Variants in ZBTB7C observed in about 807,000 individuals in gnomAD.
ZBTB7C encodes the protein zinc finger and BTB domain containing 7C.
ZBTB7C carries 8 observed loss-of-function variants against 25.7 expected under a neutral mutation model. The observed-to-expected ratio is 0.31, with a 90% CI of 0.18 to 0.56. The LOEUF is 0.56. Among genes scored for constraint, ZBTB7C ranks in the 20% least tolerant of loss-of-function variants. The pLI is 0.91. For missense variants in ZBTB7C, 824 were observed against 855.2 expected (o/e 0.96, Z 0.46); for synonymous variants, 394 against 369.0 (o/e 1.07, Z -0.78).
intron 3 of ZBTB7C, among the ~76,000 whole-genome samples, chr18:48,058,495 C>G (rs1367371024): frequency 6.6e-6 from 1 of 152,230 alleles, no homozygotes; most frequent in Non-Finnish European, 1.5e-5. Context: ...GTGCGTGTTC[C>G]TTTGAGCTGC....
chr18:48,318,224 AC>A (rs2045998152), intron 2 of ZBTB7C, among the ~76,000 whole-genome samples: 1 of 151,096 alleles, frequency 6.6e-6, no homozygotes, highest in African/African-American at 2.4e-5. Context: ...CAAAAAAAAA[AC>A]CTAAAAAAAC....
At chr18:48,077,159 G>T (rs530631539) in intron 3 of ZBTB7C, among the ~76,000 whole-genome samples, 1 of 152,196 alleles carries the variant, frequency 6.6e-6, no homozygotes, top group Admixed American at 6.5e-5. Flanking sequence ...TCCTGCAGGG[G>T]TGGGGTGGAG....
intron 3 of ZBTB7C, chr18:48,083,778 G>A (rs895610645): frequency 1.0e-6 from 1 of 960,250 alleles, no homozygotes; most frequent in Non-Finnish European, 1.2e-6. Context: ...GGCTGGGTAA[G>A]GAAACTCCTT....
intron 3 of ZBTB7C, among the ~76,000 whole-genome samples, chr18:48,161,988 C>T (rs540085623): frequency 7.1e-6 from 1 of 140,156 alleles, no homozygotes; most frequent in East Asian, 1.9e-4. Context: ...CACGGTTACC[C>T]GGTTACCGCC....
chr18:48,364,884 A>C (rs2047188062), intron 1 of ZBTB7C, among the ~76,000 whole-genome samples: 1 of 152,210 alleles, frequency 6.6e-6, no homozygotes, highest in African/African-American at 2.4e-5. Context: ...AAGTTTTCAA[A>C]ATGGAGCATG....
At chr18:48,186,497 A>G (rs1192868300) in intron 2 of ZBTB7C, among the ~76,000 whole-genome samples, 1 of 152,216 alleles carries the variant, frequency 6.6e-6, no homozygotes, top group African/African-American at 2.4e-5. Context: ...AATGTTCAAG[A>G]GCTGACACAA....
At chr18:48,160,845 G>T (rs2040988095) in intron 3 of ZBTB7C, among the ~76,000 whole-genome samples, 1 of 152,050 alleles carries the variant, frequency 6.6e-6, no homozygotes. Context: ...TGATATGAGG[G>T]ATCCCTGAAA....
At chr18:48,152,818 G>T (rs1329406942) in intron 3 of ZBTB7C, among the ~76,000 whole-genome samples, 1 of 152,194 alleles carries the variant, frequency 6.6e-6, no homozygotes, top group Non-Finnish European at 1.5e-5. Context: ...GCACTTAGTG[G>T]GTGTCAGGCA....
intron 1 of ZBTB7C, among the ~76,000 whole-genome samples, chr18:48,359,292 A>G (rs2047049441): frequency 6.6e-6 from 1 of 151,796 alleles, no homozygotes; most frequent in South Asian, 2.1e-4. Context: ...GTCATTTTTC[A>G]CCCTAGGGTG....
chr18:48,121,829 A>C (rs1179578854), intron 3 of ZBTB7C, among the ~76,000 whole-genome samples: 1 of 152,038 alleles, frequency 6.6e-6, no homozygotes, highest in East Asian at 1.9e-4. Context: ...GTACAGGGAG[A>C]GGGAAAAGGC....
intron 3 of ZBTB7C, among the ~76,000 whole-genome samples, chr18:48,047,976 G>T (rs1171996221): frequency 6.6e-6 from 1 of 152,222 alleles, no homozygotes; most frequent in African/African-American, 2.4e-5. Context: ...AGCTGCGTTT[G>T]ATGCCAAAGC....
At chr18:48,071,967 G>A (rs1423643264) in intron 3 of ZBTB7C, among the ~76,000 whole-genome samples, 1 of 152,204 alleles carries the variant, frequency 6.6e-6, no homozygotes, top group Non-Finnish European at 1.5e-5. Context: ...GTGTTTAATG[G>A]GGACAGAGTT....
At chr18:48,149,317 A>G (rs1018934824) in intron 3 of ZBTB7C, 1 of 152,416 alleles carries the variant, frequency 6.6e-6, no homozygotes, top group Non-Finnish European at 1.5e-5. Context: ...AGGGGTGAGC[A>G]CAGCAGTTTC....
At chr18:48,178,025 G>T (rs1488866933) in intron 3 of ZBTB7C, among the ~76,000 whole-genome samples, 2 of 149,096 alleles carry the variant, frequency 1.3e-5, no homozygotes, top group African/African-American at 5.0e-5. Flanking sequence ...CCCTCTCCTT[G>T]CCCAGCCCCT....
At chr18:48,139,623 C>A (rs1211215671) in intron 3 of ZBTB7C, among the ~76,000 whole-genome samples, 4 of 152,110 alleles carry the variant, frequency 2.6e-5, no homozygotes, top group Non-Finnish European at 5.9e-5. Context: ...CCTCCCTCCC[C>A]CTAATCACTG....
chr18:48,074,157 AC>A (rs1051288969), intron 3 of ZBTB7C, among the ~76,000 whole-genome samples: 1 of 151,898 alleles, frequency 6.6e-6, no homozygotes, highest in Non-Finnish European at 1.5e-5. Context: ...GGGATTACAG[AC>A]GCATGCCACC....
At chr18:48,053,058 A>G (rs905016059) in intron 3 of ZBTB7C, among the ~76,000 whole-genome samples, 9 of 152,178 alleles carry the variant, frequency 5.9e-5, no homozygotes, top group African/African-American at 2.4e-5. Context: ...TCAGATGACG[A>G]GTGTTCTACA....
intron 1 of ZBTB7C, among the ~76,000 whole-genome samples, chr18:48,378,268 T>C (rs1178639893): frequency 6.6e-6 from 1 of 152,194 alleles, no homozygotes; most frequent in African/African-American, 2.4e-5. Context: ...ATAGAGGCTT[T>C]CTGGACTGGG....
At position 48,205,975 on chromosome 18, in the gene ZBTB7C, C is replaced by A. The variant is rs969237010; in HGVS notation, c.-78-19980G>T. On this transcript the variant is annotated intron_variant, in intron 2 of 4. Transcript: ENST00000590800. Reference sequence around the variant, plus strand: ...TTAGTGGCCAAGAGAAGTCAGGCAGCAGCCAAATGAGAATTGCCAGTGGGC... The same window carrying A: ...TTAGTGGCCAAGAGAAGTCAGGCAGAAGCCAAATGAGAATTGCCAGTGGGC... Among the ~76,000 whole-genome samples, 10 of 152,164 alleles carry A rather than the reference C, an allele frequency of 6.6e-5. No individual in the cohort carries two copies. In the East Asian group the frequency reaches 1.7e-3, roughly 26 times the overall value.
Sources: allele counts gnomAD v4.1 joint callset (sites outside exome capture counted in the v4.1 genomes callset), GRCh38; gene constraint gnomAD v4.1.1; transcripts MANE v1.5; gene names NCBI Gene and HGNC (gene_info 2026-07-23, HGNC 2026-07-21).